The following PSD3 variants were observed in gnomAD, a reference collection of about 807,000 sequenced individuals.
The protein encoded by PSD3 is pleckstrin and Sec7 domain containing 3, also known as PH and SEC7 domain-containing protein 3.
Under a neutral mutation model 105.5 loss-of-function variants are expected in PSD3, and 49 were observed. The observed-to-expected ratio is 0.46, with a 90% CI of 0.37 to 0.59. The LOEUF (loss-of-function observed/expected upper bound fraction) is 0.59. Among genes scored for constraint, PSD3 ranks in the 20% least tolerant of loss-of-function variants. The pLI, the probability that PSD3 is intolerant of heterozygous loss-of-function variation, is 0.00. For synonymous variants in PSD3, 557 were observed against 457.8 expected (o/e 1.22, Z -2.77); for missense variants, 1,561 against 1,263.8 (o/e 1.24, Z -3.57).
chr8:18,847,719 G>C (rs917925461), intron 4 of PSD3, among the ~76,000 whole-genome samples: 30 of 152,144 alleles, frequency 2.0e-4, no homozygotes, highest in African/African-American at 7.0e-4. Context: ...AACAGAGCTG[G>C]GGCCAGAGCC....
At chr8:18,639,249 G>A (rs1447006084) in intron 10 of PSD3, among the ~76,000 whole-genome samples, 1 of 151,324 alleles carries the variant, frequency 6.6e-6, no homozygotes, top group East Asian at 1.9e-4. Flanking sequence ...GTTTTCTACT[G>A]TTTTAAATGT....
At position 18,926,527 on chromosome 8, in the gene PSD3, A is replaced by G. The variant is rs143417363; in HGVS notation, c.130+9507T>C. ...ACCATAAGCACAGGAAAAGATGCTC[A>G]ATGTCATTAGTCATTACAAAAATGC... On this transcript the variant is annotated intron_variant, in intron 2 of 15. Coordinates refer to ENST00000327040, the MANE Select transcript of PSD3 (RefSeq NM_015310.4). Among the ~76,000 whole-genome samples, 52 of 152,262 alleles carry G rather than the reference A, an allele frequency of 3.4e-4. No individual in the cohort carries two copies. In the East Asian group the frequency reaches 9.9e-3, roughly 29 times the overall value.
At chr8:18,662,969 G>A (rs1809467077) in intron 9 of PSD3, among the ~76,000 whole-genome samples, 1 of 152,164 alleles carries the variant, frequency 6.6e-6, no homozygotes, top group African/African-American at 2.4e-5. Flanking sequence ...GGGGAGCAAT[G>A]GGACTCTGAC....
intron 9 of PSD3, among the ~76,000 whole-genome samples, chr8:18,671,195 C>T (rs1585570213): frequency 6.6e-6 from 1 of 152,020 alleles, no homozygotes; most frequent in East Asian, 1.9e-4. Flanking sequence ...CTTCTACGTC[C>T]TAGGAAGTAA....
intron 8 of PSD3, among the ~76,000 whole-genome samples, chr8:18,790,503 C>A (rs1030424849): frequency 6.6e-6 from 1 of 151,868 alleles, no homozygotes; most frequent in Non-Finnish European, 1.5e-5. Flanking sequence ...GGGGTTTCAC[C>A]ATGTTAGCCA....
intron 11 of PSD3, among the ~76,000 whole-genome samples, chr8:18,602,908 T>C (rs1804539142): frequency 6.6e-6 from 1 of 152,166 alleles, no homozygotes; most frequent in South Asian, 2.1e-4. Flanking sequence ...GGAGTTAAAG[T>C]GATTTCACAG....
chr8:18,832,178 T>C (rs891047517), intron 4 of PSD3, among the ~76,000 whole-genome samples: 13 of 152,208 alleles, frequency 8.5e-5, no homozygotes, highest in African/African-American at 2.4e-4. Context: ...CAGCCTGCCA[T>C]TTTAGATGCT....
intron 12 of PSD3, among the ~76,000 whole-genome samples, chr8:18,595,448 GAGAGAC>G (rs1216247266): frequency 2.0e-5 from 3 of 150,926 alleles, no homozygotes; most frequent in African/African-American, 7.3e-5. Flanking sequence ...TTGAGAGAGA[GAGAGAC>G]AGAGAGACAG....
In PSD3 at chr8:18,884,280, G is replaced by A. The variant is rs116119498; in HGVS notation, c.131-11547C>T. ...CTGTAATAATTATCAACATTTTTAC[G>A]TTTAATAATCAATAAACTTCACCAG... On this transcript the variant is annotated intron_variant, in intron 2 of 15. Coordinates refer to ENST00000327040, the MANE Select transcript of PSD3 (RefSeq NM_015310.4). Among the ~76,000 whole-genome samples the A allele has an allele frequency of 9.3e-3, 1,420 of 152,078 alleles. 19 individuals are homozygous for A. Among genetic ancestry groups the A allele is most frequent in the African/African-American group, 0.033 (1,359 of 41,492 alleles).
Position 18,786,832 on chromosome 8 carries a change from A to AT in PSD3, c.2082+12462dup, listed in dbSNP as rs1300024568. ...ATTGTACTCCTCTGACTCACTGATC[A>AT]TTCTTCTAGGCAAGAATTATTAGGA... On this transcript the variant is annotated intron_variant, in intron 8 of 15. Transcript: ENST00000327040. The AT allele has an allele frequency of 2.0e-5, 3 of 152,356 alleles. No homozygotes were observed. The East Asian group carries it at 5.8e-4, about 29-fold the overall frequency. 9.4% of individuals were successfully genotyped at this position (152,356 alleles called of 1,614,324 possible).
intron 4 of PSD3, among the ~76,000 whole-genome samples, chr8:18,832,796 G>T (rs973441444): frequency 6.6e-6 from 1 of 152,148 alleles, no homozygotes; most frequent in African/African-American, 2.4e-5. Context: ...CAGGTGCAGG[G>T]GAACTGCCCT....
chr8:18,940,110 T>G (rs377236844), intron 1 of PSD3: 1 of 152,226 alleles, frequency 6.6e-6, no homozygotes, highest in African/African-American at 2.4e-5. Context: ...GTAAAACACG[T>G]ACTGCTGGGG....
At chr8:18,808,186 A>G (rs995576536) in intron 4 of PSD3, among the ~76,000 whole-genome samples, 7 of 152,236 alleles carry the variant, frequency 4.6e-5, no homozygotes, top group Non-Finnish European at 1.5e-5. Context: ...TATACAAAAC[A>G]CAAAACAAAG....
At chr8:18,774,708 T>C (rs1015318142) in intron 8 of PSD3, 1 of 362,152 alleles carries the variant, frequency 2.8e-6, no homozygotes, top group African/African-American at 2.1e-5. Flanking sequence ...CTTGTAGAAC[T>C]TCCTGAGGTT....
At chr8:18,567,860 G>C (rs1385123409) in intron 14 of PSD3, among the ~76,000 whole-genome samples, 1 of 152,202 alleles carries the variant, frequency 6.6e-6, no homozygotes, top group Non-Finnish European at 1.5e-5. Context: ...ATGTTGTAAT[G>C]TGATCCCCAA....
intron 2 of PSD3, among the ~76,000 whole-genome samples, chr8:18,927,415 C>A (rs772040385): frequency 2.6e-5 from 4 of 152,048 alleles, no homozygotes; most frequent in African/African-American, 9.7e-5. Context: ...GGTTTCATCA[C>A]GTTGGTCAAG....
intron 15 of PSD3, among the ~76,000 whole-genome samples, chr8:18,544,035 T>C (rs1800299603): frequency 1.3e-5 from 2 of 152,006 alleles, no homozygotes; most frequent in Admixed American, 1.3e-4. Context: ...ATACATATCC[T>C]CCTTACATTT....
intron 11 of PSD3, among the ~76,000 whole-genome samples, chr8:18,607,202 T>C (rs1195489129): frequency 6.6e-6 from 1 of 152,194 alleles, no homozygotes; most frequent in Admixed American, 6.5e-5. Context: ...AAGGCATCCC[T>C]GCTCATGACT....
chr8:18,609,566 AG>A (rs1805104755), intron 11 of PSD3, among the ~76,000 whole-genome samples: 1 of 152,246 alleles, frequency 6.6e-6, no homozygotes, highest in Non-Finnish European at 1.5e-5. Flanking sequence ...AACAACTTAA[AG>A]TATCTTTAAA....
Sources: gnomAD v4.1 joint callset for allele counts (sites outside exome capture counted in the v4.1 genomes callset) on GRCh38, gnomAD v4.1.1 for gene constraint, MANE v1.5 for transcripts, NCBI Gene and HGNC (gene_info 2026-07-23, HGNC 2026-07-21) for gene names.